The following OPA3 variants were observed in gnomAD, a reference collection of about 807,000 sequenced individuals.
OPA3 encodes the protein optic atrophy 3 protein.
A neutral mutation model predicts 4.0 loss-of-function variants in OPA3; 6 were observed. That is an observed-to-expected ratio of 1.51 (90% CI 0.83 to 2.99). OPA3 has a LOEUF of 2.99. Ranked by LOEUF, OPA3 falls within the 30% of genes most tolerant of loss-of-function variation. The probability of loss-of-function intolerance (pLI) is 0.00; values close to 1 mark genes in which losing one functional copy is unlikely to be tolerated. For synonymous variants in OPA3, 105 were observed against 117.1 expected (o/e 0.90, Z 0.67); for missense variants, 235 against 256.2 (o/e 0.92, Z 0.56).
chr19:45,555,778 ACCGTG>A (rs1332820234), intron 1 of OPA3, among the ~76,000 whole-genome samples: 2 of 152,138 alleles, frequency 1.3e-5, no homozygotes, highest in South Asian at 2.1e-4. Flanking sequence ...GGCGTGAGCC[ACCGTG>A]CCTAGTCATT....
intron 1 of OPA3, among the ~76,000 whole-genome samples, chr19:45,561,103 G>A (rs936419322): frequency 1.3e-5 from 2 of 152,200 alleles, no homozygotes; most frequent in African/African-American, 2.4e-5. Flanking sequence ...GGAGGCCGAG[G>A]TGGGTGGATC....
rs191471298 is a variant in OPA3, at chr19:45,559,962, A to G, written c.143-6051T>C. Among the ~76,000 whole-genome samples, 9 of 152,228 alleles carry G rather than the reference A, an allele frequency of 5.9e-5. No homozygotes were observed. The East Asian group carries it at 1.7e-3, about 29-fold the overall frequency. ...TGAGCCTTGGTGTTTCCTTATCAAA[A>G]CTGGGGGTCAAAATACTCAACTGAC... On this transcript the variant is annotated intron_variant, in intron 1 of 1. Transcript: ENST00000263275.
chr19:45,542,634 A>G (rs998497478), downstream of OPA3, among the ~76,000 whole-genome samples: 3 of 148,034 alleles, frequency 2.0e-5, no homozygotes, highest in African/African-American at 7.5e-5. Flanking sequence ...CAGAAACCTC[A>G]TTATGTGGTA....
intron 1 of OPA3, among the ~76,000 whole-genome samples, chr19:45,555,632 A>G (rs1969409675): frequency 6.6e-6 from 1 of 152,032 alleles, no homozygotes. Context: ...CTGGGACTAC[A>G]GGCGCCCGCT....
rs886054538 is a variant in OPA3, at chr19:45,552,969, C to A, written c.*545G>T. On this transcript the variant is annotated 3_prime_UTR_variant, in exon 2 of 2. Coordinates refer to ENST00000263275, the MANE Select transcript of OPA3 (RefSeq NM_025136.4). ...AGGATTACAGGCGTGAGCCACCGCT[C>A]CCAGCCGCACCGTTTTTTTCCTCCT... is the stretch of plus-strand genomic sequence containing the variant. The A allele has an allele frequency of 2.0e-5, 20 of 991,458 alleles. No individual in the cohort carries two copies. Among genetic ancestry groups the A allele is most frequent in the Non-Finnish European group, 2.4e-5 (20 of 833,740 alleles). The allele number at this position is 991,458 out of a possible 1,614,324, so 61.4% of individuals were successfully genotyped here.
intron 1 of OPA3, among the ~76,000 whole-genome samples, chr19:45,558,286 C>G (rs1969450638): frequency 2.0e-5 from 3 of 152,002 alleles, no homozygotes; most frequent in Admixed American, 2.0e-4. Flanking sequence ...GAGCCAAGAC[C>G]ACGCCACTGC....
chr19:45,529,506 A>G (rs755535698), intron 1 of OPA3: 4 of 1,606,394 alleles, frequency 2.5e-6, no homozygotes, highest in Admixed American at 1.7e-5. Flanking sequence ...AGCCTCCTAT[A>G]AGCCCCGACC....
At chr19:45,582,085 C>A (rs1969863430) in intron 1 of OPA3, among the ~76,000 whole-genome samples, 1 of 152,044 alleles carries the variant, frequency 6.6e-6, no homozygotes, top group African/African-American at 2.4e-5. Context: ...ACGTGAGCCA[C>A]CGCGCCCCAG....
chr19:45,577,943 G>C (rs1969792894), intron 1 of OPA3, among the ~76,000 whole-genome samples: 1 of 152,206 alleles, frequency 6.6e-6, no homozygotes, highest in African/African-American at 2.4e-5. Flanking sequence ...CTGTAAAGGG[G>C]CAGAGAGTAA....
intron 1 of OPA3, among the ~76,000 whole-genome samples, chr19:45,540,513 A>C (rs1418838621): frequency 1.3e-5 from 2 of 148,172 alleles, no homozygotes; most frequent in Non-Finnish European, 3.0e-5. Flanking sequence ...GTGAGCTGTG[A>C]CTGCACCACT....
At position 45,548,039 on chromosome 19, in the gene OPA3, A is replaced by C; in HGVS notation, c.*5475T>G. 1.2e-6 allele frequency: 1 copy of C among 807,354 alleles called. No homozygotes were observed. The highest frequency in any genetic ancestry group is 1.5e-6 in the Non-Finnish European group (1 of 667,364). 50.0% of individuals were successfully genotyped at this position (807,354 alleles called of 1,614,324 possible). A position where few individuals can be genotyped will look rare whatever the true frequency, so the allele number is the denominator to read the frequency against. On this transcript the variant is annotated 3_prime_UTR_variant, in exon 2 of 2. Transcript: ENST00000263275. ...TGCCGGTCTCTGGCACTAGAATGTCAGCTCCAGTGAGGGCCTCTGCTTGCT... is the reference window on the plus strand; with the variant it reads ...TGCCGGTCTCTGGCACTAGAATGTCCGCTCCAGTGAGGGCCTCTGCTTGCT...
intron 1 of OPA3, 26 bp downstream of exon 1, chr19:45,584,597 T>C (rs1969904650): frequency 1.9e-6 from 3 of 1,613,766 alleles, no homozygotes; most frequent in Non-Finnish European, 2.5e-6. Context: ...AGGAAAAAGG[T>C]TGGAGGGAAT....
chr19:45,530,024 GA>G (rs1472772149), intron 1 of OPA3, among the ~76,000 whole-genome samples: 1 of 152,160 alleles, frequency 6.6e-6, no homozygotes, highest in East Asian at 1.9e-4. Context: ...GTGAGCCACG[GA>G]GCGCGGCCCT....
At chr19:45,562,521 T>C (rs1434686668) in intron 1 of OPA3, among the ~76,000 whole-genome samples, 1 of 93,540 alleles carries the variant, frequency 1.1e-5, no homozygotes, top group Non-Finnish European at 2.1e-5. Flanking sequence ...AAACCCTGTC[T>C]CTACTAAAAA....
rs765665312 is a variant in OPA3, at chr19:45,549,257, T to G, written c.*4257A>C. 1.3e-5 allele frequency: 13 copies of G among 985,376 alleles called. No individual in the cohort carries two copies. The highest frequency in any genetic ancestry group is 1.6e-5 in the Non-Finnish European group (13 of 829,918). 61.0% of individuals were successfully genotyped at this position (985,376 alleles called of 1,614,324 possible). A position where few individuals can be genotyped will look rare whatever the true frequency, so the allele number is the denominator to read the frequency against. ...AGCAGTGAACCATCCTCTGGCCTCT[T>G]GCATTTTGAGAGGACGTTCTTTCCA... On this transcript the variant is annotated 3_prime_UTR_variant, in exon 2 of 2. Coordinates refer to ENST00000263275, the MANE Select transcript of OPA3 (RefSeq NM_025136.4).
chr19:45,552,981 G>GC lies in OPA3; in HGVS notation c.*532_*533insG, dbSNP rs563314271. 2.1e-5 allele frequency: 21 copies of GC among 992,046 alleles called. No individual in the cohort carries two copies. The African/African-American group carries it at 3.5e-4, about 16-fold the overall frequency. The allele number at this position is 992,046 out of a possible 1,614,324, so 61.5% of individuals were successfully genotyped here. A position where few individuals can be genotyped will look rare whatever the true frequency, so the allele number is the denominator to read the frequency against. On this transcript the variant is annotated 3_prime_UTR_variant, in exon 2 of 2. Transcript: ENST00000263275. ...GTGAGCCACCGCTCCCAGCCGCACC[G>GC]TTTTTTTCCTCCTTAAGAGAGCACT...
intron 1 of OPA3, among the ~76,000 whole-genome samples, chr19:45,530,984 T>G (rs1300181747): frequency 7.1e-6 from 1 of 141,404 alleles, no homozygotes; most frequent in Non-Finnish European, 1.5e-5. Context: ...GAGACAGGGT[T>G]TCACTACGTT....
At chr19:45,543,906 C>T (rs1969215652), downstream of OPA3, among the ~76,000 whole-genome samples, 1 of 152,210 alleles carries the variant, frequency 6.6e-6, no homozygotes, top group African/African-American at 2.4e-5. Context: ...AGTGAGCTAC[C>T]TGATATCCTT....
At chr19:45,563,379 C>T (rs192687721) in intron 1 of OPA3, among the ~76,000 whole-genome samples, 7 of 151,422 alleles carry the variant, frequency 4.6e-5, no homozygotes, top group East Asian at 3.9e-4. Flanking sequence ...AGGATGGTCT[C>T]GATCTCCTGA....
Sources: allele counts gnomAD v4.1 joint callset (sites outside exome capture counted in the v4.1 genomes callset), GRCh38; gene constraint gnomAD v4.1.1; transcripts MANE v1.5; gene names NCBI Gene and HGNC (gene_info 2026-07-23, HGNC 2026-07-21).